The following TAFA1 variants were observed in gnomAD, a reference collection of about 807,000 sequenced individuals.
The protein encoded by TAFA1 is chemokine-like protein TAFA-1.
TAFA1 carries 4 observed loss-of-function variants against 18.5 expected under a neutral mutation model. The observed-to-expected ratio is 0.22, with a 90% CI of 0.11 to 0.49. The LOEUF is 0.49. Ranked by LOEUF, TAFA1 falls within the 20% of genes least tolerant of loss-of-function variation. The pLI is 0.98. For synonymous variants in TAFA1, 56 were observed against 55.2 expected (o/e 1.01, Z -0.06); for missense variants, 147 against 169.0 (o/e 0.87, Z 0.72).
At chr3:68,498,721 G>GTTTTTTTTTTTTTTTTTTTTTTTTT (rs1559694779) in intron 3 of TAFA1, among the ~76,000 whole-genome samples, 1 of 101,722 alleles carries the variant, frequency 9.8e-6, no homozygotes, top group African/African-American at 5.3e-5. Flanking sequence ...CCGTTTGGTG[G>GTTTTTTTTTTTTTTTTTTTTTTTTT]CTTTTTTTTT....
chr3:68,348,090 GT>G (rs2069196843), intron 2 of TAFA1, among the ~76,000 whole-genome samples: 1 of 152,084 alleles, frequency 6.6e-6, no homozygotes. Context: ...TCCTCAAGGG[GT>G]TATTGAAAAG....
At chr3:68,221,498 A>G (rs1165910467) in intron 2 of TAFA1, among the ~76,000 whole-genome samples, 1 of 152,156 alleles carries the variant, frequency 6.6e-6, no homozygotes, top group Non-Finnish European at 1.5e-5. Flanking sequence ...TTGCAACAAT[A>G]TCATTTTTTT....
chr3:68,382,515 G>C lies in TAFA1; in HGVS notation c.119-34765G>C, dbSNP rs1481298995. 2.0e-5 allele frequency among the ~76,000 whole-genome samples: 3 copies of C among 152,090 alleles called. No homozygotes were observed. In the South Asian group the frequency reaches 6.2e-4, roughly 32 times the overall value. ...GCTTGTTTTTGTCAGCTTTGTCAAA[G>C]ATGAGATTATTATCGTTATGGGGCC... On this transcript the variant is annotated intron_variant, in intron 2 of 4. Coordinates refer to ENST00000478136, the MANE Select transcript of TAFA1 (RefSeq NM_213609.4).
intron 3 of TAFA1, among the ~76,000 whole-genome samples, chr3:68,484,695 A>T (rs1020593598): frequency 6.6e-6 from 1 of 152,180 alleles, no homozygotes; most frequent in South Asian, 2.1e-4. Context: ...TGTCCCAAGG[A>T]TCCATCATTA....
chr3:68,292,435 A>AC (rs372945340), intron 2 of TAFA1, among the ~76,000 whole-genome samples: 2 of 150,604 alleles, frequency 1.3e-5, no homozygotes, highest in South Asian at 2.1e-4. Context: ...AAAAAAAAAA[A>AC]CCCAAAACAA....
intron 2 of TAFA1, among the ~76,000 whole-genome samples, chr3:68,263,031 C>T (rs1291398892): frequency 6.6e-6 from 1 of 152,120 alleles, no homozygotes; most frequent in Non-Finnish European, 1.5e-5. Flanking sequence ...TAGAACACAG[C>T]ATTTTCTGTT....
intron 2 of TAFA1, among the ~76,000 whole-genome samples, chr3:68,192,216 A>G (rs2066350301): frequency 6.6e-6 from 1 of 151,786 alleles, no homozygotes; most frequent in South Asian, 2.1e-4. Context: ...AGATTATGAC[A>G]ATTAAAACTA....
At chr3:68,040,482 C>A (rs1418223922) in intron 2 of TAFA1, among the ~76,000 whole-genome samples, 3 of 152,178 alleles carry the variant, frequency 2.0e-5, no homozygotes, top group Non-Finnish European at 4.4e-5. Context: ...CTAATGTAAA[C>A]TCTGTGTCCA....
upstream of TAFA1, among the ~76,000 whole-genome samples, chr3:68,001,372 C>G (rs1253889954): frequency 6.6e-6 from 1 of 152,050 alleles, no homozygotes; most frequent in Non-Finnish European, 1.5e-5. Context: ...TTTTTTCCAG[C>G]CTAAGAAAAA....
chr3:68,033,548 T>G (rs1406444142), intron 2 of TAFA1, among the ~76,000 whole-genome samples: 4 of 152,242 alleles, frequency 2.6e-5, no homozygotes, highest in Admixed American at 1.3e-4. Context: ...CCAATTTCAA[T>G]GCCTCCTCTG....
At chr3:68,006,465 AT>A (rs1559698964) in intron 1 of TAFA1, 158 bp from the exon 2 acceptor site, 1 of 590,644 alleles carries the variant, frequency 1.7e-6, no homozygotes, top group East Asian at 2.7e-5. Context: ...CTTTCTCTCA[AT>A]CCCACTTCAT....
intron 2 of TAFA1, among the ~76,000 whole-genome samples, chr3:68,251,885 C>G (rs1223046114): frequency 6.6e-6 from 1 of 152,160 alleles, no homozygotes; most frequent in Non-Finnish European, 1.5e-5. Context: ...TGTGAGGAAA[C>G]TGAATCTAAA....
chr3:68,099,972 AAAT>A (rs150737574), intron 2 of TAFA1, among the ~76,000 whole-genome samples: 1,561 of 152,222 alleles, frequency 0.01, 29 homozygotes, highest in African/African-American at 0.035. Context: ...ATAAAGGTGG[AAAT>A]AATAGACACT....
chr3:68,311,635 A>G (rs903901432), intron 2 of TAFA1, among the ~76,000 whole-genome samples: 1 of 152,242 alleles, frequency 6.6e-6, no homozygotes, highest in African/African-American at 2.4e-5. Flanking sequence ...GGTCACACTG[A>G]TGCAAGAGGT....
intron 2 of TAFA1, among the ~76,000 whole-genome samples, chr3:68,089,573 G>T (rs1486176599): frequency 2.0e-5 from 3 of 152,110 alleles, no homozygotes; most frequent in African/African-American, 7.2e-5. Flanking sequence ...GTAGTTGGAG[G>T]CATGCGGGTT....
At chr3:68,382,956 T>C (rs993337320) in intron 2 of TAFA1, among the ~76,000 whole-genome samples, 2 of 152,022 alleles carry the variant, frequency 1.3e-5, no homozygotes, top group African/African-American at 4.8e-5. Flanking sequence ...TTATTTTATG[T>C]TGTGGCTGTT....
intron 3 of TAFA1, among the ~76,000 whole-genome samples, chr3:68,456,815 G>T (rs146147188): frequency 6.6e-6 from 1 of 152,052 alleles, no homozygotes; most frequent in African/African-American, 2.4e-5. Context: ...TCCTTAAGCC[G>T]GATTCATTTT....
rs1282938034 is a variant in TAFA1 at position 68,264,884 on chromosome 3, CAG to C, written c.119-152392_119-152391del. 7.9e-5 allele frequency among the ~76,000 whole-genome samples: 12 copies of C among 152,130 alleles called. No homozygotes were observed. In the East Asian group the frequency reaches 1.4e-3, roughly 17 times the overall value. ...CAATTTAGTGTTGCATCTGAGAAGA[CAG>C]AGATGGTCAGTTTTTTAAACAAATT... On this transcript the variant is annotated intron_variant, in intron 2 of 4. Transcript: ENST00000478136.
At chr3:68,307,377 G>A (rs999295706) in intron 2 of TAFA1, among the ~76,000 whole-genome samples, 1 of 152,120 alleles carries the variant, frequency 6.6e-6, no homozygotes, top group Non-Finnish European at 1.5e-5. Context: ...TCCCATTGCT[G>A]GTCTAGAGTG....
Sources: gnomAD v4.1 joint callset for allele counts (sites outside exome capture counted in the v4.1 genomes callset) on GRCh38, gnomAD v4.1.1 for gene constraint, MANE v1.5 for transcripts, NCBI Gene and HGNC (gene_info 2026-07-23, HGNC 2026-07-21) for gene names.